The following NTRK2 variants were observed in gnomAD, a reference collection of about 807,000 sequenced individuals.
The protein encoded by NTRK2 is BDNF/NT-3 growth factors receptor.
In NTRK2, 13 loss-of-function variants were observed where a neutral mutation model predicts 94.5. That is an observed-to-expected ratio of 0.14 (90% CI 0.09 to 0.22). The LOEUF is 0.22. Ranked by LOEUF, NTRK2 falls within the 10% of genes least tolerant of loss-of-function variation. The probability of loss-of-function intolerance (pLI) is 1.00; values close to 1 mark genes in which losing one functional copy is unlikely to be tolerated. For missense variants in NTRK2, 639 were observed against 1,071.2 expected (o/e 0.60, Z 5.63); for synonymous variants, 372 against 407.4 (o/e 0.91, Z 1.05).
At chr9:84,737,208 A>G (rs2132235203) in intron 9 of NTRK2, among the ~76,000 whole-genome samples, 1 of 152,270 alleles carries the variant, frequency 6.6e-6, no homozygotes, top group Non-Finnish European at 1.5e-5. Flanking sequence ...ATTATTTTTT[A>G]TCTTGTTAGC....
intron 14 of NTRK2, among the ~76,000 whole-genome samples, chr9:84,883,534 T>A (rs1008297029): frequency 3.3e-5 from 5 of 152,196 alleles, no homozygotes; most frequent in African/African-American, 1.2e-4. Flanking sequence ...AATGTCTCCA[T>A]GAGGCCATGG....
chr9:84,813,452 A>G (rs776928474), intron 12 of NTRK2: 87 of 1,064,736 alleles, frequency 8.2e-5, no homozygotes, highest in Non-Finnish European at 9.4e-5. Flanking sequence ...AAACATGATC[A>G]TTGTTCTCTC....
intron 12 of NTRK2, among the ~76,000 whole-genome samples, chr9:84,770,539 A>G (rs2132819532): frequency 6.6e-6 from 1 of 152,302 alleles, no homozygotes; most frequent in East Asian, 1.9e-4. Context: ...GAACTGGCCA[A>G]AGACAGTGTT....
At chr9:84,854,400 T>A (rs2131919638) in intron 12 of NTRK2, among the ~76,000 whole-genome samples, 1 of 152,294 alleles carries the variant, frequency 6.6e-6, no homozygotes, top group East Asian at 1.9e-4. Context: ...TTTGCTTGAA[T>A]CCTTAGTCAG....
rs565275315 is a variant in NTRK2, at chr9:84,717,914, T to G, written c.584-5659T>G. Reference sequence around the variant, plus strand: ...TAAGATCAATGGAATTCAAATGGATTTCTTTATAGCAGGAGTTCTCAGAAC... The same window carrying G: ...TAAGATCAATGGAATTCAAATGGATGTCTTTATAGCAGGAGTTCTCAGAAC... On this transcript the variant is annotated intron_variant, in intron 6 of 18. Coordinates refer to ENST00000277120, the MANE Select transcript of NTRK2 (RefSeq NM_006180.6). Among the ~76,000 whole-genome samples, 14 of 152,268 alleles carry G rather than the reference T, an allele frequency of 9.2e-5. No individual in the cohort carries two copies. The South Asian group carries it at 2.9e-3, about 32-fold the overall frequency.
At chr9:84,836,628 T>C (rs1283258858) in intron 12 of NTRK2, among the ~76,000 whole-genome samples, 2 of 144,658 alleles carry the variant, frequency 1.4e-5, no homozygotes, top group Non-Finnish European at 3.0e-5. Context: ...GACCACAGTT[T>C]CTTGTCCAAA....
chr9:84,864,292 T>C (rs2075470369), intron 13 of NTRK2, among the ~76,000 whole-genome samples: 1 of 151,992 alleles, frequency 6.6e-6, no homozygotes, highest in African/African-American at 2.4e-5. Context: ...GTGGAGTCTT[T>C]TAAAATGAAA....
chr9:84,775,313 C>G (rs966458739), intron 12 of NTRK2, among the ~76,000 whole-genome samples: 1 of 152,236 alleles, frequency 6.6e-6, no homozygotes, highest in African/African-American at 2.4e-5. Flanking sequence ...ACTCCAGCCT[C>G]TTGACTCCCA....
intron 12 of NTRK2, among the ~76,000 whole-genome samples, chr9:84,770,341 A>C (rs7026180): frequency 0.67 from 101,833 of 152,038 alleles, 34,625 homozygotes; most frequent in East Asian, 0.73. Context: ...ATAATTTACA[A>C]GTTCTCTGCA....
intron 14 of NTRK2, among the ~76,000 whole-genome samples, chr9:84,908,995 T>C (rs2077159216): frequency 6.6e-6 from 1 of 152,160 alleles, no homozygotes; most frequent in Non-Finnish European, 1.5e-5. Flanking sequence ...CACAAAGCTA[T>C]GATATTGACA....
intron 11 of NTRK2, among the ~76,000 whole-genome samples, chr9:84,748,042 T>C (rs1013491015): frequency 2.6e-5 from 4 of 152,170 alleles, no homozygotes; most frequent in Admixed American, 1.3e-4. Flanking sequence ...ATACAAAAGT[T>C]AAAAATGTTT....
intron 12 of NTRK2, chr9:84,810,611 T>C (rs370338213): frequency 1.2e-6 from 2 of 1,613,938 alleles, no homozygotes; most frequent in Non-Finnish European, 1.7e-6. Flanking sequence ...AGAAAGGGGC[T>C]GTGGTGCTTG....
intron 17 of NTRK2, among the ~76,000 whole-genome samples, chr9:85,005,798 C>T (rs1830897860): frequency 6.6e-6 from 1 of 152,158 alleles, no homozygotes; most frequent in South Asian, 2.1e-4. Context: ...TAGCTATCAC[C>T]TACTCAGAAA....
At chr9:84,912,125 G>A (rs759440962) in intron 14 of NTRK2, among the ~76,000 whole-genome samples, 1 of 151,988 alleles carries the variant, frequency 6.6e-6, no homozygotes, top group Non-Finnish European at 1.5e-5. Flanking sequence ...CATGATTTCA[G>A]TTTATTTAAA....
At chr9:85,002,182 C>T (rs75161884) in intron 17 of NTRK2, among the ~76,000 whole-genome samples, 2 of 152,126 alleles carry the variant, frequency 1.3e-5, no homozygotes, top group East Asian at 3.9e-4. Flanking sequence ...TTGCCTGCTT[C>T]CCTCCAGTTA....
At chr9:84,981,106 A>G (rs1262759545) in intron 17 of NTRK2, among the ~76,000 whole-genome samples, 1 of 152,110 alleles carries the variant, frequency 6.6e-6, no homozygotes, top group African/African-American at 2.4e-5. Context: ...TTTTTGAGTC[A>G]GTCTCTCTCT....
At chr9:84,709,986 T>C (rs547133079) in intron 5 of NTRK2, among the ~76,000 whole-genome samples, 1 of 151,836 alleles carries the variant, frequency 6.6e-6, no homozygotes, top group East Asian at 1.9e-4. Context: ...TGTGTGTGTG[T>C]GTGTGTGTGT....
intron 12 of NTRK2, among the ~76,000 whole-genome samples, chr9:84,791,851 T>G (rs1422485731): frequency 2.0e-5 from 3 of 152,106 alleles, no homozygotes; most frequent in African/African-American, 7.2e-5. Flanking sequence ...TGTCTAGACT[T>G]TTTTTTAACA....
rs142378016 is a variant in NTRK2 at position 84,826,172 on chromosome 9, C to T, written c.1397-34868C>T. On this transcript the variant is annotated intron_variant, in intron 12 of 18. Coordinates refer to ENST00000277120, the MANE Select transcript of NTRK2 (RefSeq NM_006180.6). ...TGGTTTACAACAACAGAAATTTATT[C>T]TCATCATTGTGGAGTCTGGAAGTTT... Among the ~76,000 whole-genome samples, 3 of 152,278 alleles carry T rather than the reference C, an allele frequency of 2.0e-5. No homozygotes were observed. In the East Asian group the frequency reaches 5.8e-4, roughly 29 times the overall value.
Sources: gnomAD v4.1 joint callset for allele counts (sites outside exome capture counted in the v4.1 genomes callset) on GRCh38, gnomAD v4.1.1 for gene constraint, MANE v1.5 for transcripts, NCBI Gene and HGNC (gene_info 2026-07-23, HGNC 2026-07-21) for gene names.